The following PTPRB variants were observed in gnomAD, a reference collection of about 807,000 sequenced individuals.
PTPRB encodes receptor-type tyrosine-protein phosphatase beta.
A neutral mutation model predicts 238.1 loss-of-function variants in PTPRB; 97 were observed. The ratio of observed to expected loss-of-function variants is 0.41; its 90% CI spans 0.35 to 0.48. The LOEUF (loss-of-function observed/expected upper bound fraction) is 0.48, where lower values mean the gene tolerates loss of function less well. PTPRB is among the 20% of genes least tolerant of loss of function. The pLI is 0.30. For synonymous variants in PTPRB, 970 were observed against 995.4 expected, an observed-to-expected ratio of 0.97 and a Z score of 0.48; for missense variants, 2,292 against 2,681.9, an observed-to-expected ratio of 0.85 and a Z score of 3.21.
chr12:70,620,553 T>A (rs756070119), intron 3 of PTPRB, among the ~76,000 whole-genome samples: 13 of 152,350 alleles, frequency 8.5e-5, no homozygotes, highest in Admixed American at 1.3e-4. Context: ...TAAGCTATGA[T>A]ATAAATAAAA....
intron 9 of PTPRB, among the ~76,000 whole-genome samples, chr12:70,585,993 T>C (rs1248145000): frequency 1.3e-5 from 2 of 152,222 alleles, no homozygotes; most frequent in Non-Finnish European, 2.9e-5. Flanking sequence ...TTTTTATGGC[T>C]GCATAGTATT....
chr12:70,550,650 C>T (rs1322821343), intron 21 of PTPRB, among the ~76,000 whole-genome samples: 2 of 152,162 alleles, frequency 1.3e-5, no homozygotes, highest in Non-Finnish European at 2.9e-5. Flanking sequence ...CTTCCAAAGA[C>T]CTCCGCAGTT....
At chr12:70,539,777 T>G (rs1874755870) in intron 25 of PTPRB, 50 bp downstream of exon 25, 1 of 1,597,508 alleles carries the variant, frequency 6.3e-7, no homozygotes, top group African/African-American at 1.3e-5. Flanking sequence ...CTATTCTGAC[T>G]CATATTTCAA....
Position 70,626,295 on chromosome 12 carries a change from C to CTAT in PTPRB, c.452-3650_452-3649insATA, listed in dbSNP as rs1207592449. ...TTAGAAAAGGATGATGTCTATCCATCCATCTATCTATCTATCTATCTATCT... is the reference window on the plus strand; with the variant it reads ...TTAGAAAAGGATGATGTCTATCCATCTATCATCTATCTATCTATCTATCTATCT... On this transcript the variant is annotated intron_variant, in intron 2 of 33. Transcript: ENST00000334414. 7.6e-3 allele frequency among the ~76,000 whole-genome samples: 603 copies of CTAT among 79,792 alleles called. 9 individuals carry two copies. Among genetic ancestry groups the CTAT allele is most frequent in the African/African-American group, 0.014 (253 of 17,598 alleles). 52.3% of individuals were successfully genotyped at this position (79,792 alleles called of 152,430 possible).
chr12:70,610,225 C>T (rs1470159943), intron 3 of PTPRB, among the ~76,000 whole-genome samples: 3 of 152,188 alleles, frequency 2.0e-5, no homozygotes, highest in African/African-American at 4.8e-5. Context: ...CCAAGCTGCC[C>T]CCGCTGCCCC....
At position 70,596,345 on chromosome 12, in the gene PTPRB, A is replaced by C; in HGVS notation, c.980-18T>G. On this transcript the variant is annotated intron_variant, in intron 4 of 33. Transcript: ENST00000334414. ...TAAAGGATCTGCAAGGCAAATACAC[A>C]CACACACACAAAAAAAAAAAAGAAA... 7.9e-7 allele frequency: 1 copy of C among 1,260,278 alleles called. No homozygotes were observed. Among genetic ancestry groups the C allele is most frequent in the Non-Finnish European group, 1.0e-6 (1 of 1,000,894 alleles). The allele number at this position is 1,260,278 out of a possible 1,614,324, so 78.1% of individuals were successfully genotyped here.
chr12:70,621,416 TAG>T (rs1418713810), intron 3 of PTPRB, among the ~76,000 whole-genome samples: 1 of 152,178 alleles, frequency 6.6e-6, no homozygotes, highest in Non-Finnish European at 1.5e-5. Context: ...TAAAGTGATA[TAG>T]AGTGTCCAGA....
rs1565890308 is a variant in PTPRB at position 70,518,721 on chromosome 12, A to G, written c.*2768T>C. ...ACAATTGGCTGCTTTCCAGAGAACA[A>G]CAGAATGACAATACAAAATTGATTT... On this transcript the variant is annotated 3_prime_UTR_variant, in exon 34 of 34. Coordinates refer to ENST00000334414, the MANE Select transcript of PTPRB (RefSeq NM_001109754.4). The G allele has an allele frequency of 6.6e-6, 1 of 152,220 alleles. No homozygotes were observed. The highest frequency in any genetic ancestry group is 1.5e-5 in the Non-Finnish European group (1 of 68,040). The allele number at this position is 152,220 out of a possible 1,614,324, so 9.4% of individuals were successfully genotyped here. A position where few individuals can be genotyped will look rare whatever the true frequency, so the allele number is the denominator to read the frequency against.
intron 21 of PTPRB, among the ~76,000 whole-genome samples, chr12:70,550,083 G>C (rs989852787): frequency 6.6e-6 from 1 of 152,192 alleles, no homozygotes; most frequent in Non-Finnish European, 1.5e-5. Context: ...AAAAGCCACT[G>C]TAAATGTAGG....
chr12:70,543,912 A>AGAATT (rs1330637615), intron 22 of PTPRB, among the ~76,000 whole-genome samples: 9 of 152,248 alleles, frequency 5.9e-5, no homozygotes, highest in Non-Finnish European at 1.2e-4. Context: ...GACTGTCATG[A>AGAATT]GAATTGGACA....
chr12:70,555,331 G>A, intron 19 of PTPRB, 22 bp from the exon 20 acceptor site: 1 of 1,599,120 alleles, frequency 6.3e-7, no homozygotes, highest in South Asian at 1.1e-5. Flanking sequence ...GGTGGGGAAG[G>A]AACCAAGAGG....
At chr12:70,565,787 G>A (rs1312123772) in intron 15 of PTPRB, among the ~76,000 whole-genome samples, 1 of 152,144 alleles carries the variant, frequency 6.6e-6, no homozygotes, top group Admixed American at 6.5e-5. Flanking sequence ...CCCAGAACCT[G>A]TGAATATGTT....
chr12:70,578,915 G>A (rs1881074451), intron 10 of PTPRB, among the ~76,000 whole-genome samples: 1 of 152,178 alleles, frequency 6.6e-6, no homozygotes, highest in Non-Finnish European at 1.5e-5. Context: ...GTGGGTGGAA[G>A]TGAAATGCCT....
Position 70,566,551 on chromosome 12 carries a change from G to A in PTPRB, c.3788C>T (p.Ala1263Val), listed in dbSNP as rs376156961. ...TTCAAATTTGTGTTGCTTAGTGGTG[G>A]CTGGCTCTGATGTGTTGCGCAGAAG... ...GILLRNTSEP[A>V]TTKQHKFEDL... Residue 1263 changes from alanine (A) to valine (V), a missense_variant, in exon 15 of 34, where the codon GCC becomes GTC. Coordinates refer to ENST00000334414, the MANE Select transcript of PTPRB (RefSeq NM_001109754.4). 2 of 1,613,856 alleles carry A rather than the reference G, an allele frequency of 1.2e-6. No individual in the cohort carries two copies. Among genetic ancestry groups the A allele is most frequent in the African/African-American group, 2.7e-5 (2 of 74,908 alleles).
At chr12:70,626,187 T>C (rs1037118400) in intron 2 of PTPRB, among the ~76,000 whole-genome samples, 1 of 148,022 alleles carries the variant, frequency 6.8e-6, no homozygotes, top group African/African-American at 2.6e-5. Context: ...TTCTATTCTG[T>C]AGGAAGATGC....
chr12:70,611,275 T>C (rs1884429282), intron 3 of PTPRB, among the ~76,000 whole-genome samples: 1 of 152,140 alleles, frequency 6.6e-6, no homozygotes, highest in South Asian at 2.1e-4. Context: ...GTGAAAATTG[T>C]TTCAATTCTA....
At chr12:70,537,805 T>G (rs1018771711) in intron 28 of PTPRB, among the ~76,000 whole-genome samples, 33 of 152,186 alleles carry the variant, frequency 2.2e-4, no homozygotes, top group Non-Finnish European at 4.3e-4. Context: ...TCTGTGGTTG[T>G]GAAGATTCCA....
At position 70,609,277 on chromosome 12, in the gene PTPRB, A is replaced by G. The variant is rs746822736; in HGVS notation, c.771T>C (p.His257=). 2 of 1,614,050 alleles carry G rather than the reference A, an allele frequency of 1.2e-6. No individual in the cohort carries two copies. Among genetic ancestry groups the G allele is most frequent in the South Asian group, 1.1e-5 (1 of 91,088 alleles). The change falls in exon 4 of 34, where the codon CAT becomes CAC. Residue 257 remains histidine, a synonymous_variant. Transcript: ENST00000334414. The part of the protein sequence containing the change: ...FTLAESKASS[H]SVSIQWRILG... Reference sequence around the variant, plus strand: ...AAATTCTCCACTGGATAGACACAGAATGGCTGGAGGCCTTGGACTCCGCCA... The same window carrying G: ...AAATTCTCCACTGGATAGACACAGAGTGGCTGGAGGCCTTGGACTCCGCCA...
At chr12:70,550,013 C>T (rs1876643891) in intron 21 of PTPRB, among the ~76,000 whole-genome samples, 2 of 152,186 alleles carry the variant, frequency 1.3e-5, no homozygotes, top group African/African-American at 4.8e-5. Context: ...ATCTGTCTCC[C>T]CTGTTGGACT....
Sources: allele counts gnomAD v4.1 joint callset (sites outside exome capture counted in the v4.1 genomes callset), GRCh38; gene constraint gnomAD v4.1.1; transcripts MANE v1.5; gene names NCBI Gene and HGNC (gene_info 2026-07-23, HGNC 2026-07-21).